HEXD: variants seen among roughly 807,000 people sequenced by gnomAD.
The protein encoded by HEXD is hexosaminidase D.
HEXD carries 47 observed loss-of-function variants against 54.2 expected under a neutral mutation model. The ratio of observed to expected loss-of-function variants is 0.87; its 90% CI spans 0.69 to 1.11. The LOEUF is 1.11. Among genes scored for constraint, HEXD ranks in the 50% least tolerant of loss-of-function variants. The pLI, the probability that HEXD is intolerant of heterozygous loss-of-function variation, is 0.00. For missense variants in HEXD, 576 were observed against 649.2 expected (o/e 0.89, Z 1.23); for synonymous variants, 293 against 287.6 (o/e 1.02, Z -0.19).
chr17:82,421,107 T>C lies in HEXD; in HGVS notation c.84+1224T>C, dbSNP rs115222395. Among the ~76,000 whole-genome samples the C allele has an allele frequency of 2.5e-3, 384 of 151,920 alleles. 4 individuals are homozygous for C. Among genetic ancestry groups the C allele is most frequent in the African/African-American group, 8.6e-3 (354 of 41,398 alleles). On this transcript the variant is annotated intron_variant, in intron 2 of 12. Coordinates refer to ENST00000327949, the MANE Select transcript of HEXD (RefSeq NM_001330542.2). ...AAATAGCCTCAAAAGTAAGTAAAGGTCTCCCATAGCGAGAAGTGGGGCAGA... is the reference window on the plus strand; with the variant it reads ...AAATAGCCTCAAAAGTAAGTAAAGGCCTCCCATAGCGAGAAGTGGGGCAGA...
Position 82,442,451 on chromosome 17 carries a change from G to C in HEXD, c.*67G>C, listed in dbSNP as rs1599765599. ...GGGCTCTGCACTGCCAAATGGCCTG[G>C]GCAATACGGGCCCACGTGGGCGTCG... On this transcript the variant is annotated 3_prime_UTR_variant, in exon 13 of 13. Coordinates refer to ENST00000327949, the MANE Select transcript of HEXD (RefSeq NM_001330542.2). The surrounding 1 kb of genome is among the most constrained non-coding windows in gnomAD (Gnocchi z 6.8). 2 of 1,609,598 alleles carry C rather than the reference G, an allele frequency of 1.2e-6. No individual in the cohort carries two copies. Among genetic ancestry groups the C allele is most frequent in the African/African-American group, 2.7e-5 (2 of 74,992 alleles).
At chr17:82,433,091 A>AAAAAAAATATAT (rs1555617647) in intron 4 of HEXD, among the ~76,000 whole-genome samples, 1 of 13,234 alleles carries the variant, frequency 7.6e-5, no homozygotes, top group Non-Finnish European at 1.0e-4. Context: ...AAAAAAAAAA[A>AAAAAAAATATAT]ATATATATAT....
Position 82,433,768 on chromosome 17 carries a change from C to A in HEXD, c.393C>A (p.Asp131Glu). 7 of 1,613,160 alleles carry A rather than the reference C, an allele frequency of 4.3e-6. No individual in the cohort carries two copies. The highest frequency in any genetic ancestry group is 5.9e-6 in the Non-Finnish European group (7 of 1,179,840). Residue 131 changes from aspartate to glutamate, a missense_variant, in exon 5 of 13, where the codon GAC becomes GAA. Transcript: ENST00000327949. ...ESLALVGAMI[D>E]QVLELHPGAQ... ...TGGCGCTGGTGGGCGCCATGATTGA[C>A]CAGGTCCTGGAGCTACACCCAGGCG...
chr17:82,419,885 T>G lies in HEXD; in HGVS notation c.84+2T>G. 1 of 1,587,592 alleles carries G rather than the reference T, an allele frequency of 6.3e-7. No individual in the cohort carries two copies. Among genetic ancestry groups the G allele is most frequent in the Non-Finnish European group, 8.6e-7 (1 of 1,156,792 alleles). The stretch of plus-strand genomic sequence containing the variant: ...CCAAAGGTCTCGTACCTCTCAGAGG[T>G]AAGGACTCCCTTTTACCTCTAGAGC... On this transcript the variant is annotated splice_donor_variant, in intron 2 of 12. Transcript: ENST00000327949. LOFTEE classifies it high-confidence loss of function.
chr17:82,435,761 T>G lies in HEXD; in HGVS notation c.520T>G (p.Cys174Gly). 1 of 1,612,954 alleles carries G rather than the reference T, an allele frequency of 6.2e-7. No individual in the cohort carries two copies. Among genetic ancestry groups the G allele is most frequent in the Non-Finnish European group, 8.5e-7 (1 of 1,179,896 alleles). ...QQEQNSTGKL[C>G]LSHMRAVASG... ...AGAGCAGAACAGCACGGGGAAGTTG[T>G]GCCTGTCACACATGCGGGCGGTGGC... is the stretch of plus-strand genomic sequence containing the variant. The change falls in exon 6 of 13, where the codon TGC becomes GGC. Residue 174 changes from cysteine to glycine, a missense_variant. Cys to Gly is a radical substitution (Grantham distance 159). Transcript: ENST00000327949.
chr17:82,422,033 T>G (rs2143380529), intron 2 of HEXD, among the ~76,000 whole-genome samples: 1 of 151,710 alleles, frequency 6.6e-6, no homozygotes, highest in South Asian at 2.1e-4. Flanking sequence ...CCCCGTGTGG[T>G]GGCGGCGCCT....
chr17:82,439,843 T>C, intron 9 of HEXD, 130 bp downstream of exon 9: 1 of 1,560,052 alleles, frequency 6.4e-7, no homozygotes. Context: ...GAGGATGGTC[T>C]CACCGCCCCA....
rs571103356 is a variant in HEXD at position 82,442,193 on chromosome 17, A to G, written c.1270A>G (p.Ser424Gly). ...PAALSLLAQW[S>G]TLVQELEAAL... The stretch of plus-strand genomic sequence containing the variant: ...CACCTGCAGCCTCCTGGCACAGTGG[A>G]GCACCCTCGTGCAGGAGCTGGAGGC... The change falls in exon 13 of 13, where the codon AGC (serine) becomes GGC (glycine). Residue 424 changes from serine to glycine, a missense_variant. Physicochemically the swap from Ser to Gly is moderately conservative, Grantham distance 56. Transcript: ENST00000327949. This position sits in a 1 kb window ranked among gnomAD's most constrained non-coding sequence, Gnocchi z 6.8. 3 of 1,601,728 alleles carry G rather than the reference A, an allele frequency of 1.9e-6. No homozygotes were observed. Among genetic ancestry groups the G allele is most frequent in the South Asian group, 2.2e-5 (2 of 91,028 alleles).
In HEXD at chr17:82,434,347, C is replaced by T. The variant is rs746237970; in HGVS notation, c.447+525C>T. Among the ~76,000 whole-genome samples the T allele has an allele frequency of 1.3e-4, 20 of 152,214 alleles. No individual in the cohort carries two copies. Among genetic ancestry groups the T allele is most frequent in the Non-Finnish European group, 2.6e-4 (18 of 68,028 alleles). ...CCCCACCCTTGCCCCTCCTGCCACTCACTGGACTCCAACTCAGTCAGGGCC... is the reference window on the plus strand; with the variant it reads ...CCCCACCCTTGCCCCTCCTGCCACTTACTGGACTCCAACTCAGTCAGGGCC... On this transcript the variant is annotated intron_variant, in intron 5 of 12. Coordinates refer to ENST00000327949, the MANE Select transcript of HEXD (RefSeq NM_001330542.2). The surrounding 1 kb of genome is among the most constrained non-coding windows in gnomAD (Gnocchi z 4.5).
At chr17:82,437,541 C>T (rs995486069) in intron 8 of HEXD, among the ~76,000 whole-genome samples, 178 bp downstream of exon 8, 5 of 152,222 alleles carry the variant, frequency 3.3e-5, no homozygotes, top group East Asian at 1.9e-4. Flanking sequence ...CCAGAGCGGC[C>T]GCTGAGGGAC....
intron 4 of HEXD, among the ~76,000 whole-genome samples, 186 bp downstream of exon 4, chr17:82,428,831 G>C (rs1023006093): frequency 6.6e-6 from 1 of 152,190 alleles, no homozygotes; most frequent in Non-Finnish European, 1.5e-5. Flanking sequence ...AGAGCTGCAG[G>C]TTGGGGCTGC....
intron 4 of HEXD, 111 bp from the exon 5 acceptor site, chr17:82,433,546 TG>T: frequency 9.1e-7 from 1 of 1,097,068 alleles, no homozygotes; most frequent in Non-Finnish European, 1.3e-6. Flanking sequence ...ACTCTCTGCC[TG>T]GCCTAATTTT....
In HEXD at chr17:82,439,885, C is replaced by T. The variant is rs1172345627; in HGVS notation, c.982+172C>T. 5 of 1,532,862 alleles carry T rather than the reference C, an allele frequency of 3.3e-6. No homozygotes were observed. The African/African-American group carries it at 6.8e-5, about 21-fold the overall frequency. 95.0% of individuals were successfully genotyped at this position (1,532,862 alleles called of 1,614,324 possible). On this transcript the variant is annotated intron_variant, in intron 9 of 12. Coordinates refer to ENST00000327949, the MANE Select transcript of HEXD (RefSeq NM_001330542.2). ...CCACCCACCTGCCCTGAAGTCCACC[C>T]AGGCTGGGCCTGTGTCTGGGTCTCC...
chr17:82,437,760 A>ATTT (rs2053814397), intron 8 of HEXD, among the ~76,000 whole-genome samples: 1 of 152,242 alleles, frequency 6.6e-6, no homozygotes, highest in Non-Finnish European at 1.5e-5. Context: ...CACACAGGAA[A>ATTT]GAATTCAAGG....
rs759307429 is a variant in HEXD, at chr17:82,435,869, G to A, written c.628G>A (p.Ala210Thr). 5 of 1,603,724 alleles carry A rather than the reference G, an allele frequency of 3.1e-6. No homozygotes were observed. In the South Asian group the frequency reaches 3.3e-5, roughly 11 times the overall value. ...MLRDLPEDQLAASGVPQLVEP... is the reference protein window; with the variant it reads ...MLRDLPEDQLTASGVPQLVEP... The stretch of plus-strand genomic sequence containing the variant: ...CCGAGACCTGCCTGAGGACCAGCTC[G>A]CAGGTCGGCCAACAGGGCTGGGGGA... Residue 210 changes from alanine (A) to threonine (T), a missense_variant, in exon 6 of 13, where the codon GCA (alanine) becomes ACA (threonine). Coordinates refer to ENST00000327949, the MANE Select transcript of HEXD (RefSeq NM_001330542.2).
chr17:82,436,941 A>T, intron 7 of HEXD: 1 of 628,962 alleles, frequency 1.6e-6, no homozygotes. Context: ...CTGTTCCACC[A>T]GTGTTTTCCT....
Position 82,441,043 on chromosome 17 carries a change from GA to G in HEXD, c.1030del (p.Ile344PhefsTer213). ...AAGCGAAAGTGGAGAACCTTCTCGG[GA>G]TTTCCAGCCTGGAAAAAACGGACCC... ...VKAKVENLLG[I>X]SSLEKTDPVR... On this transcript the variant is annotated frameshift_variant, in exon 10 of 13. Coordinates refer to ENST00000327949, the MANE Select transcript of HEXD (RefSeq NM_001330542.2). LOFTEE classifies it high-confidence loss of function. 1 of 1,613,636 alleles carries G rather than the reference GA, an allele frequency of 6.2e-7. No homozygotes were observed. Among genetic ancestry groups the G allele is most frequent in the Non-Finnish European group, 8.5e-7 (1 of 1,180,008 alleles).
intron 9 of HEXD, 114 bp from the exon 10 acceptor site, chr17:82,440,883 G>C: frequency 8.3e-7 from 1 of 1,206,290 alleles, no homozygotes; most frequent in Non-Finnish European, 1.2e-6. Context: ...CCTGGCCAGT[G>C]GCTCTCCATT....
In HEXD at chr17:82,441,035, C is replaced by G. The variant is rs1405258557; in HGVS notation, c.1021C>G (p.Leu341Val). 9 of 1,613,516 alleles carry G rather than the reference C, an allele frequency of 5.6e-6. No individual in the cohort carries two copies. Among genetic ancestry groups the G allele is most frequent in the African/African-American group, 1.3e-5 (1 of 74,934 alleles). ...AGATGTTAAAGCGAAAGTGGAGAACCTTCTCGGGATTTCCAGCCTGGAAAA... is the reference window on the plus strand; with the variant it reads ...AGATGTTAAAGCGAAAGTGGAGAACGTTCTCGGGATTTCCAGCCTGGAAAA... ...DEDVKAKVENLLGISSLEKTD... is the reference protein window; with the variant it reads ...DEDVKAKVENVLGISSLEKTD... Residue 341 changes from leucine to valine, a missense_variant, in exon 10 of 13, where the codon CTT becomes GTT. Physicochemically the swap from Leu to Val is conservative, Grantham distance 32 (BLOSUM62 1). Transcript: ENST00000327949.
Sources: gnomAD v4.1 joint callset for allele counts (sites outside exome capture counted in the v4.1 genomes callset) on GRCh38, gnomAD v4.1.1 for gene constraint, Gnocchi (gnomAD v3.1) non-coding constraint, MANE v1.5 for transcripts, NCBI Gene and HGNC (gene_info 2026-07-23, HGNC 2026-07-21) for gene names.